Variants in KRT35 observed in about 807,000 individuals in gnomAD.
KRT35 encodes the protein keratin, type I cuticular Ha5.
Under a neutral mutation model 42.2 loss-of-function variants are expected in KRT35, and 33 were observed. That is an observed-to-expected ratio of 0.78 (90% CI 0.59 to 1.05). The LOEUF (loss-of-function observed/expected upper bound fraction) is 1.05. Ranked by LOEUF, KRT35 falls within the 50% of genes least tolerant of loss-of-function variation. KRT35 has a pLI of 0.00. For synonymous variants in KRT35, 218 were observed against 238.2 expected (o/e 0.92, Z 0.78); for missense variants, 585 against 589.2 (o/e 0.99, Z 0.07).
In KRT35 at chr17:41,476,967, G is replaced by T; in HGVS notation, c.*89C>A. ...CCTGGGCCTGGGCTCTGCGCGAAGA[G>T]AGGGGATTGGGCTACAAGGGTTAAG... On this transcript the variant is annotated 3_prime_UTR_variant, in exon 7 of 7. Coordinates refer to ENST00000246639, the MANE Select transcript of KRT35 (RefSeq NM_002280.6). 1 of 1,288,882 alleles carries T rather than the reference G, an allele frequency of 7.8e-7. No homozygotes were observed. 79.8% of individuals were successfully genotyped at this position (1,288,882 alleles called of 1,614,324 possible).
intron 1 of KRT35, among the ~76,000 whole-genome samples, chr17:41,480,296 C>A (rs2019234613): frequency 6.6e-6 from 1 of 152,170 alleles, no homozygotes; most frequent in South Asian, 2.1e-4. Context: ...ACCCAATCCC[C>A]TGACTTTAAA....
In KRT35 at chr17:41,480,612, C is replaced by T. The variant is rs1161756670; in HGVS notation, c.471+15G>A. ...CAAAGTTCCTGGGAATCCAAAGCCA[C>T]TCTGAACCTCTTACCTTCTTCTGGA... On this transcript the variant is annotated intron_variant, in intron 1 of 6. Coordinates refer to ENST00000246639, the MANE Select transcript of KRT35 (RefSeq NM_002280.6). 3.1e-6 allele frequency: 5 copies of T among 1,603,874 alleles called. No homozygotes were observed. The East Asian group carries it at 1.1e-4, about 36-fold the overall frequency.
rs774738086 is a variant in KRT35 at position 41,480,754 on chromosome 17, ACCTT to A, written c.340_343del (p.Lys114CysfsTer96). 4 of 1,614,174 alleles carry A rather than the reference ACCTT, an allele frequency of 2.5e-6. No homozygotes were observed. Among genetic ancestry groups the A allele is most frequent in the Non-Finnish European group, 3.4e-6 (4 of 1,180,028 alleles). On this transcript the variant is annotated frameshift_variant, in exon 1 of 7. Transcript: ENST00000246639. LOFTEE classifies it high-confidence loss of function. Reference sequence around the variant, plus strand: ...GGCGTTCTCCTGCTCCAGCTGACGCACCTTCTCCAGGTAGCCGGCCAGGCGGTCG... The same window carrying A: ...GGCGTTCTCCTGCTCCAGCTGACGCACTCCAGGTAGCCGGCCAGGCGGTCG...
At position 41,479,485 on chromosome 17, in the gene KRT35, G is replaced by T. The variant is rs746674207; in HGVS notation, c.573C>A (p.Ser191=). Residue 191 remains serine, a synonymous_variant, in exon 3 of 7, where the codon TCC becomes TCA. Coordinates refer to ENST00000246639, the MANE Select transcript of KRT35 (RefSeq NM_002280.6). ...DFRTKYETEV[S]LRQLVESDIN... ...TGTCTGACTCCACCAGCTGCCGCAG[G>T]GACACCTCCGTCTCATACCTGCAGG... The T allele has an allele frequency of 6.2e-7, 1 of 1,613,972 alleles. No individual in the cohort carries two copies. The highest frequency in any genetic ancestry group is 1.1e-5 in the South Asian group (1 of 91,066).
chr17:41,478,131 T>C (rs757146457), intron 5 of KRT35, among the ~76,000 whole-genome samples: 2 of 152,206 alleles, frequency 1.3e-5, no homozygotes, highest in African/African-American at 4.8e-5. Flanking sequence ...TGCACAAATA[T>C]AGGACCTACT....
At position 41,478,916 on chromosome 17, in the gene KRT35, C is replaced by T. The variant is rs573378713; in HGVS notation, c.791G>A (p.Arg264Gln). The change falls in exon 4 of 7, where the codon CGA (arginine) becomes CAA (glutamine). Residue 264 changes from arginine (R) to glutamine (Q), a missense_variant. Physicochemically the swap from Arg to Gln is conservative, Grantham distance 43. Transcript: ENST00000246639. The part of the protein sequence containing the change: ...VDAAPPVDLN[R>Q]VLEEMRCQYE... ...CTGGCACCTCATCTCCTCCAGAACT[C>T]GGTTCAGGTCAACAGGTGGGGCAGC... 17 of 1,614,058 alleles carry T rather than the reference C, an allele frequency of 1.1e-5. No homozygotes were observed. In the African/African-American group the frequency reaches 1.2e-4, roughly 11 times the overall value.
chr17:41,479,623 C>G, intron 2 of KRT35, 76 bp downstream of exon 2: 1 of 1,569,072 alleles, frequency 6.4e-7, no homozygotes, highest in Non-Finnish European at 8.7e-7. Flanking sequence ...CAGAGTACAG[C>G]CAAAACCCTG....
intron 1 of KRT35, 74 bp downstream of exon 1, chr17:41,480,553 A>G (rs778230999): frequency 5.4e-5 from 65 of 1,194,984 alleles, no homozygotes; most frequent in African/African-American, 7.5e-5. Flanking sequence ...AACATGCCCT[A>G]TGGGAACAGA....
rs748100549 is a variant in KRT35, at chr17:41,479,808, TG to T, written c.472-28del. On this transcript the variant is annotated intron_variant, in intron 1 of 6. Coordinates refer to ENST00000246639, the MANE Select transcript of KRT35 (RefSeq NM_002280.6). The stretch of plus-strand genomic sequence containing the variant: ...TGGAGATATGAAGAAGTTATTTCAT[TG>T]CAAGAAAGGACATTCCACTTGTTGG... 1.9e-6 allele frequency: 3 copies of T among 1,583,000 alleles called. No homozygotes were observed. In the African/African-American group the frequency reaches 4.0e-5, roughly 21 times the overall value.
At chr17:41,479,298 C>A in intron 3 of KRT35, 49 bp downstream of exon 3, 1 of 1,576,276 alleles carries the variant, frequency 6.3e-7, no homozygotes, top group Non-Finnish European at 8.7e-7. Context: ...TTCACCTCCT[C>A]CCCCATGCTC....
Position 41,479,506 on chromosome 17 carries a change from G to A in KRT35, c.555-3C>T. ...GCAGGGACACCTCCGTCTCATACCTGCAGGCATAGAACAGGGCACCTGAGT... is the reference window on the plus strand; with the variant it reads ...GCAGGGACACCTCCGTCTCATACCTACAGGCATAGAACAGGGCACCTGAGT... On this transcript the variant is annotated splice_polypyrimidine_tract_variant and splice_region_variant and intron_variant, in intron 2 of 6. Transcript: ENST00000246639. 1 of 1,613,390 alleles carries A rather than the reference G, an allele frequency of 6.2e-7. No individual in the cohort carries two copies. Among genetic ancestry groups the A allele is most frequent in the African/African-American group, 1.3e-5 (1 of 75,032 alleles).
intron 5 of KRT35, 47 bp downstream of exon 5, chr17:41,478,314 C>T (rs1265200947): frequency 6.3e-7 from 1 of 1,594,712 alleles, no homozygotes; most frequent in Non-Finnish European, 8.5e-7. Context: ...AGCTTGTGTG[C>T]TCCTCGGCTT....
intron 1 of KRT35, among the ~76,000 whole-genome samples, chr17:41,480,378 A>G (rs1354854088): frequency 6.6e-6 from 1 of 152,160 alleles, no homozygotes; most frequent in Non-Finnish European, 1.5e-5. Context: ...GAGTTCATTC[A>G]TAGACCTGAT....
At chr17:41,480,561 AGAACT>A (rs1426107549) in intron 1 of KRT35, 61 bp downstream of exon 1, 3 of 1,279,418 alleles carry the variant, frequency 2.3e-6, no homozygotes, top group Non-Finnish European at 3.4e-6. Flanking sequence ...CTATGGGAAC[AGAACT>A]ACCAATGAAT....
chr17:41,478,580 C>G, intron 4 of KRT35, 94 bp from the exon 5 acceptor site: 1 of 1,449,702 alleles, frequency 6.9e-7, no homozygotes, highest in Non-Finnish European at 9.4e-7. Context: ...CCAAGAAAGA[C>G]ATTCCCGATT....
chr17:41,479,870 G>A (rs936345647), intron 1 of KRT35, 89 bp from the exon 2 acceptor site: 3 of 1,079,956 alleles, frequency 2.8e-6, no homozygotes, highest in African/African-American at 3.1e-5. Context: ...ACTCTGGAAG[G>A]AGGAAGTCAC....
chr17:41,478,286 A>T, intron 5 of KRT35, 75 bp downstream of exon 5: 2 of 1,544,970 alleles, frequency 1.3e-6, no homozygotes, highest in Non-Finnish European at 1.8e-6. Context: ...CTGTGTGGTC[A>T]AAGCATGGAA....
chr17:41,477,128 G>T lies in KRT35; in HGVS notation c.1296C>A (p.Cys432Ter), dbSNP rs367703815. The T allele has an allele frequency of 9.3e-6, 15 of 1,612,904 alleles. No individual in the cohort carries two copies. Among genetic ancestry groups the T allele is most frequent in the Middle Eastern group, 1.7e-4 (1 of 6,030 alleles). ...SCLPCLPAAS[C>*]GPSAARTNCS... ...AGTTTGTGCGGGCTGCACTAGGACCGCAGGAGGCCGCAGGAAGACAGGGAA... is the reference window on the plus strand; with the variant it reads ...AGTTTGTGCGGGCTGCACTAGGACCTCAGGAGGCCGCAGGAAGACAGGGAA... Residue 432 changes from cysteine to a stop codon, truncating the protein, a stop_gained, in exon 7 of 7, where the codon TGC becomes TGA. Coordinates refer to ENST00000246639, the MANE Select transcript of KRT35 (RefSeq NM_002280.6). LOFTEE classifies it high-confidence loss of function.
rs1261187098 is a variant in KRT35, at chr17:41,477,155, G to T, written c.1269C>A (p.Cys423Ter). 6.2e-7 allele frequency: 1 copy of T among 1,613,796 alleles called. No homozygotes were observed. Among genetic ancestry groups the T allele is most frequent in the South Asian group, 1.1e-5 (1 of 91,046 alleles). The change falls in exon 7 of 7, where the codon TGC (cysteine) becomes TGA (stop). Residue 423 changes from cysteine to a stop codon, truncating the protein, a stop_gained. Coordinates refer to ENST00000246639, the MANE Select transcript of KRT35 (RefSeq NM_002280.6). LOFTEE classifies it high-confidence loss of function. ...CAPDYSPSKS[C>*]LPCLPAASCG... ...AGGAGGCCGCAGGAAGACAGGGAAG[G>T]CATGACTTGGAGGGTGAGTAGTCAG...
Sources: gnomAD v4.1 joint callset for allele counts (sites outside exome capture counted in the v4.1 genomes callset) on GRCh38, gnomAD v4.1.1 for gene constraint, MANE v1.5 for transcripts, NCBI Gene and HGNC (gene_info 2026-07-23, HGNC 2026-07-21) for gene names.